UTRN: variants seen among roughly 807,000 people sequenced by gnomAD.
The protein encoded by UTRN is dystrophin-related protein 1.
In UTRN, 283 loss-of-function variants were observed where a neutral mutation model predicts 463.9. The ratio of observed to expected loss-of-function variants is 0.61; its 90% CI spans 0.55 to 0.67. UTRN has a LOEUF of 0.67. UTRN is among the 30% of genes least tolerant of loss of function. UTRN has a pLI of 0.00. For synonymous variants in UTRN, 1,442 were observed against 1,431.5 expected (o/e 1.01, Z -0.17); for missense variants, 3,922 against 4,084.3 (o/e 0.96, Z 1.08).
chr6:144,334,396 C>T (rs999517508), intron 2 of UTRN, among the ~76,000 whole-genome samples: 3 of 151,866 alleles, frequency 2.0e-5, no homozygotes, highest in Non-Finnish European at 2.9e-5. Flanking sequence ...CCTGTTCCGT[C>T]AAGGCTATGA....
intron 68 of UTRN, 65 bp downstream of exon 68, chr6:144,827,741 T>A: frequency 6.6e-7 from 1 of 1,520,324 alleles, no homozygotes; most frequent in Admixed American, 1.8e-5. Context: ...GTCTAATTAA[T>A]CTAATATCAT....
chr6:144,684,869 A>G (rs566030252), intron 52 of UTRN, among the ~76,000 whole-genome samples: 3 of 152,194 alleles, frequency 2.0e-5, no homozygotes, highest in African/African-American at 4.8e-5. Context: ...TTATTTTTTA[A>G]AAGTTTTACA....
At chr6:144,737,249 G>A (rs1352421754) in intron 54 of UTRN, among the ~76,000 whole-genome samples, 1 of 152,164 alleles carries the variant, frequency 6.6e-6, no homozygotes, top group Non-Finnish European at 1.5e-5. Flanking sequence ...AACTTCTGCT[G>A]TAGACACTGG....
intron 51 of UTRN, among the ~76,000 whole-genome samples, chr6:144,610,043 A>G (rs1805311893): frequency 6.6e-6 from 1 of 152,068 alleles, no homozygotes. Flanking sequence ...GAACAAGCTA[A>G]TCTGAAAGTG....
chr6:144,643,138 TCAAGG>T (rs1777931906), intron 51 of UTRN, among the ~76,000 whole-genome samples: 1 of 152,170 alleles, frequency 6.6e-6, no homozygotes, highest in Admixed American at 6.5e-5. Context: ...AGAGAAAAGT[TCAAGG>T]CTAAACTTAA....
chr6:144,774,421 T>TTC, intron 60 of UTRN, 57 bp downstream of exon 60: 1 of 1,448,634 alleles, frequency 6.9e-7, no homozygotes, highest in South Asian at 1.3e-5. Flanking sequence ...TTTTTTTTTT[T>TTC]CCAAGAGGAA....
At chr6:144,337,194 C>CCACACACAAACACACACA (rs1554219231) in intron 2 of UTRN, among the ~76,000 whole-genome samples, 15 of 126,704 alleles carry the variant, frequency 1.2e-4, no homozygotes, top group African/African-American at 4.7e-4. Context: ...CACACACACA[C>CCACACACAAACACACACA]CACACACACA....
chr6:144,748,105 C>A, intron 54 of UTRN, 141 bp from the exon 55 acceptor site: 2 of 1,053,052 alleles, frequency 1.9e-6, no homozygotes, highest in African/African-American at 1.6e-5. Context: ...TTCTTTCTTA[C>A]CCTGGACAAT....
chr6:144,721,993 A>G (rs1787231694), intron 53 of UTRN, among the ~76,000 whole-genome samples: 1 of 152,192 alleles, frequency 6.6e-6, no homozygotes, highest in Non-Finnish European at 1.5e-5. Context: ...CAAAATACAT[A>G]AGCTTTGTGA....
At chr6:144,763,074 C>T (rs1792893474) in intron 58 of UTRN, among the ~76,000 whole-genome samples, 1 of 152,126 alleles carries the variant, frequency 6.6e-6, no homozygotes, top group Non-Finnish European at 1.5e-5. Flanking sequence ...GTTAATTCTT[C>T]ATAGAACCCT....
In UTRN at chr6:144,516,815, A is replaced by C; in HGVS notation, c.5408A>C (p.Asp1803Ala). 7 of 1,472,972 alleles carry C rather than the reference A, an allele frequency of 4.8e-6. No homozygotes were observed. Among genetic ancestry groups the C allele is most frequent in the Non-Finnish European group, 6.3e-6 (7 of 1,116,694 alleles). The allele number at this position is 1,472,972 out of a possible 1,614,324, so 91.2% of individuals were successfully genotyped here. A position where few individuals can be genotyped will look rare whatever the true frequency, so the allele number is the denominator to read the frequency against. Residue 1803 changes from aspartate to alanine, a missense_variant, in exon 39 of 75, where the codon GAT (aspartate) becomes GCT (alanine). Asp to Ala is a moderately radical substitution (Grantham distance 126). Coordinates refer to ENST00000367545, the MANE Select transcript of UTRN (RefSeq NM_007124.3). ...TTTTTCCTTTTAAAAATTTAGATGGATGAGGAGAGTGCCCAGATTGAGGAA... is the reference window on the plus strand; with the variant it reads ...TTTTTCCTTTTAAAAATTTAGATGGCTGAGGAGAGTGCCCAGATTGAGGAA... ...LESSDEDEKMDEESAQIEEVL... is the reference protein window; with the variant it reads ...LESSDEDEKMAEESAQIEEVL...
At chr6:144,798,053 G>C in intron 64 of UTRN, 63 bp downstream of exon 64, 3 of 1,603,926 alleles carry the variant, frequency 1.9e-6, no homozygotes, top group Non-Finnish European at 2.6e-6. Context: ...TCAGTGGTAC[G>C]TCCATCCTCC....
intron 28 of UTRN, among the ~76,000 whole-genome samples, chr6:144,485,730 G>A (rs1444441983): frequency 6.6e-6 from 1 of 152,140 alleles, no homozygotes; most frequent in Non-Finnish European, 1.5e-5. Context: ...CTCAAGACGT[G>A]GTTAGCTGTT....
rs1475060370 is a variant in UTRN, at chr6:144,851,610, CAT to C, written c.*616_*617del. 1 of 152,624 alleles carries C rather than the reference CAT, an allele frequency of 6.6e-6. No homozygotes were observed. The highest frequency in any genetic ancestry group is 1.5e-5 in the Non-Finnish European group (1 of 68,402). The allele number at this position is 152,624 out of a possible 1,614,324, so 9.5% of individuals were successfully genotyped here. On this transcript the variant is annotated 3_prime_UTR_variant, in exon 75 of 75. Transcript: ENST00000367545. ...CAATCAAATATCTTATATATACACA[CAT>C]ATGGTTTAAGCTACAGCCCTGTGTA...
At chr6:144,634,855 C>T (rs1287829002) in intron 51 of UTRN, among the ~76,000 whole-genome samples, 3 of 152,064 alleles carry the variant, frequency 2.0e-5, no homozygotes, top group Non-Finnish European at 4.4e-5. Context: ...ACTTTCCTTT[C>T]TCTTCATTGA....
At chr6:144,592,293 A>G (rs1487541725) in intron 51 of UTRN, among the ~76,000 whole-genome samples, 2 of 152,212 alleles carry the variant, frequency 1.3e-5, no homozygotes, top group Non-Finnish European at 2.9e-5. Flanking sequence ...GTGCATCCTG[A>G]TTATGTCCAG....
intron 52 of UTRN, among the ~76,000 whole-genome samples, chr6:144,681,204 T>G (rs1585973580): frequency 1.3e-5 from 2 of 152,306 alleles, no homozygotes; most frequent in South Asian, 2.1e-4. Context: ...GATGGAGATC[T>G]GCTCTTCAAA....
intron 51 of UTRN, among the ~76,000 whole-genome samples, chr6:144,642,344 A>G (rs1777857448): frequency 1.3e-5 from 2 of 151,814 alleles, no homozygotes; most frequent in South Asian, 4.2e-4. Flanking sequence ...TTTCTTTTTC[A>G]TTTTCTGATA....
chr6:144,462,145 G>A (rs529664578), intron 22 of UTRN, among the ~76,000 whole-genome samples: 1 of 152,064 alleles, frequency 6.6e-6, no homozygotes. Flanking sequence ...CCACTTATAA[G>A]TGAGAATATG....
Sources: gnomAD v4.1 joint callset for allele counts (sites outside exome capture counted in the v4.1 genomes callset) on GRCh38, gnomAD v4.1.1 for gene constraint, MANE v1.5 for transcripts, NCBI Gene and HGNC (gene_info 2026-07-23, HGNC 2026-07-21) for gene names.